IQSEC3: variants seen among roughly 807,000 people sequenced by gnomAD.
The protein encoded by IQSEC3 is IQ motif and SEC7 domain-containing protein 3.
IQSEC3 carries 50 observed loss-of-function variants against 105.4 expected under a neutral mutation model. The ratio of observed to expected loss-of-function variants is 0.47; its 90% CI spans 0.38 to 0.60. The LOEUF (loss-of-function observed/expected upper bound fraction) is 0.60. Ranked by LOEUF, IQSEC3 falls within the 20% of genes least tolerant of loss-of-function variation. The probability of loss-of-function intolerance (pLI) is 0.00; values close to 1 mark genes in which losing one functional copy is unlikely to be tolerated. For missense variants in IQSEC3, 1,415 were observed against 1,630.0 expected, an observed-to-expected ratio of 0.87 and a Z score of 2.27; for synonymous variants, 708 against 746.0, an observed-to-expected ratio of 0.95 and a Z score of 0.83.
At chr12:136,100 T>C (rs1565422886) in intron 3 of IQSEC3, among the ~76,000 whole-genome samples, 2 of 152,258 alleles carry the variant, frequency 1.3e-5, no homozygotes, top group African/African-American at 4.8e-5. Context: ...GGGAGCTTCC[T>C]CCTGCTCAGG....
At chr12:151,415 T>C (rs1433252527) in intron 5 of IQSEC3, among the ~76,000 whole-genome samples, 4 of 152,176 alleles carry the variant, frequency 2.6e-5, no homozygotes, top group African/African-American at 9.7e-5. Flanking sequence ...TCCCATCTGT[T>C]CTTCCTCTAA....
chr12:92,578 C>T (rs1006047973), intron 1 of IQSEC3, among the ~76,000 whole-genome samples: 1 of 152,210 alleles, frequency 6.6e-6, no homozygotes, highest in Non-Finnish European at 1.5e-5. Flanking sequence ...ACGGGGACCT[C>T]TCTCCTTTCT....
chr12:138,584 A>G lies in IQSEC3; in HGVS notation c.1221A>G (p.Gln407=). ...ELEDSFTEQV[Q]SLAKSIDDAL... is the part of the protein sequence containing the mutation. ...AGGACTCCTTCACCGAGCAGGTGCA[A>G]TCCCTGGCCAAGTCCATCGACGACG... The change falls in exon 4 of 14, where the codon CAA becomes CAG. Residue 407 remains glutamine, a synonymous_variant. Transcript: ENST00000538872. This position sits in a 1 kb window ranked among gnomAD's most constrained non-coding sequence, Gnocchi z 7.1. 1 of 1,589,116 alleles carries G rather than the reference A, an allele frequency of 6.3e-7. No homozygotes were observed. The highest frequency in any genetic ancestry group is 8.5e-7 in the Non-Finnish European group (1 of 1,175,192).
At chr12:168,958 C>T (rs1555099360) in intron 11 of IQSEC3, 55 bp from the exon 12 acceptor site, 5 of 1,463,660 alleles carry the variant, frequency 3.4e-6, no homozygotes, top group Non-Finnish European at 4.8e-6. Context: ...CCTGCCTCGC[C>T]TCTGTGTGGT....
At chr12:72,549 ACT>A (rs1476460173) in intron 1 of IQSEC3, among the ~76,000 whole-genome samples, 4 of 131,504 alleles carry the variant, frequency 3.0e-5, no homozygotes, top group African/African-American at 1.0e-4. Flanking sequence ...CCCTGGGGAC[ACT>A]CTCACTGCAC....
intron 3 of IQSEC3, among the ~76,000 whole-genome samples, chr12:132,027 G>A (rs901661797): frequency 3.9e-5 from 6 of 152,144 alleles, no homozygotes; most frequent in African/African-American, 1.4e-4. Flanking sequence ...GGAAGGATGG[G>A]TTGGAGAAAT....
chr12:147,632 C>CA (rs1392078339), intron 5 of IQSEC3: 3 of 152,204 alleles, frequency 2.0e-5, no homozygotes, highest in African/African-American at 7.2e-5. Context: ...ACCCCTTAGA[C>CA]AATCAGCTGG....
At chr12:97,128 A>G (rs1864263206) in intron 1 of IQSEC3, among the ~76,000 whole-genome samples, 1 of 152,226 alleles carries the variant, frequency 6.6e-6, no homozygotes, top group African/African-American at 2.4e-5. Flanking sequence ...CACAGATGTG[A>G]AGCGTATTTG....
In IQSEC3 at chr12:127,770, G is replaced by T. The variant is rs553309335; in HGVS notation, c.903+1858G>T. ...TTGTTTGAGTTCATTGTAGATTCTGGATATTAGCCCTTTGTCAGATGAGTA... is the reference window on the plus strand; with the variant it reads ...TTGTTTGAGTTCATTGTAGATTCTGTATATTAGCCCTTTGTCAGATGAGTA... On this transcript the variant is annotated intron_variant, in intron 3 of 13. Transcript: ENST00000538872. Among the ~76,000 whole-genome samples the T allele has an allele frequency of 3.6e-3, 544 of 152,206 alleles. 4 individuals are homozygous for T. Among genetic ancestry groups the T allele is most frequent in the African/African-American group, 0.013 (519 of 41,512 alleles).
In IQSEC3 at chr12:176,857, C is replaced by A. The variant is rs568862842; in HGVS notation, c.*1824C>A. The A allele has an allele frequency of 6.6e-6, 1 of 152,164 alleles. No individual in the cohort carries two copies. Among genetic ancestry groups the A allele is most frequent in the Non-Finnish European group, 1.5e-5 (1 of 68,042 alleles). 9.4% of individuals were successfully genotyped at this position (152,164 alleles called of 1,614,324 possible). On this transcript the variant is annotated 3_prime_UTR_variant, in exon 14 of 14. Transcript: ENST00000538872. This position sits in a 1 kb window ranked among gnomAD's most constrained non-coding sequence, Gnocchi z 4.0. Reference sequence around the variant, plus strand: ...TGGAGCAGATGACAGATGGGGTGCACGCATTCAGACACCTCTGATGCCCTT... The same window carrying A: ...TGGAGCAGATGACAGATGGGGTGCAAGCATTCAGACACCTCTGATGCCCTT...
chr12:69,163 C>T (rs1472654576), intron 1 of IQSEC3, among the ~76,000 whole-genome samples: 1 of 152,260 alleles, frequency 6.6e-6, no homozygotes, highest in Non-Finnish European at 1.5e-5. Flanking sequence ...TATGATTTCT[C>T]TCCTCATGAC....
At position 139,104 on chromosome 12, in the gene IQSEC3, G is replaced by T; in HGVS notation, c.1741G>T (p.Ala581Ser). ...TEEEEEEEET[A>S]EVGRGAEAEA... ...GGAGGAAGAGGAGGAGGAGGAGACG[G>T]CGGAGGTGGGGAGAGGGGCCGAGGC... Residue 581 changes from alanine to serine, a missense_variant, in exon 4 of 14, where the codon GCG becomes TCG. Around this residue, in one of 6 missense-constraint regions of IQSEC3, gnomAD observed 720 missense variants for 633.0 expected, o/e 1.14. Transcript: ENST00000538872. The T allele has an allele frequency of 6.6e-7, 1 of 1,503,972 alleles. No individual in the cohort carries two copies. Among genetic ancestry groups the T allele is most frequent in the Non-Finnish European group, 8.9e-7 (1 of 1,125,236 alleles). 93.2% of individuals were successfully genotyped at this position (1,503,972 alleles called of 1,614,324 possible). A position where few individuals can be genotyped will look rare whatever the true frequency, so the allele number is the denominator to read the frequency against.
chr12:169,968 G>A lies in IQSEC3; in HGVS notation c.3064+863G>A, dbSNP rs80071998. Among the ~76,000 whole-genome samples the A allele has an allele frequency of 5.5e-3, 840 of 152,338 alleles. 7 individuals carry two copies. The highest frequency in any genetic ancestry group is 0.019 in the African/African-American group (773 of 41,586). On this transcript the variant is annotated intron_variant, in intron 12 of 13. Transcript: ENST00000538872. ...TCATAGTGAGACGCCAGCTTGAGCT[G>A]AGAAGCTCCAGTGGGCCCCGTGTGG... is the stretch of plus-strand genomic sequence containing the variant.
At chr12:155,905 C>T (rs1220288607) in intron 5 of IQSEC3, among the ~76,000 whole-genome samples, 1 of 152,056 alleles carries the variant, frequency 6.6e-6, no homozygotes, top group Non-Finnish European at 1.5e-5. Flanking sequence ...GCTCCAAGAG[C>T]CCAATCTAAC....
At chr12:95,068 T>G (rs1490290544) in intron 1 of IQSEC3, among the ~76,000 whole-genome samples, 4 of 152,168 alleles carry the variant, frequency 2.6e-5, no homozygotes, top group Non-Finnish European at 2.9e-5. Flanking sequence ...TTTTCCCCTT[T>G]TCTTCAGGCC....
chr12:116,656 G>A (rs1555080682), intron 2 of IQSEC3, among the ~76,000 whole-genome samples: 1 of 152,270 alleles, frequency 6.6e-6, no homozygotes, highest in East Asian at 1.9e-4. Flanking sequence ...TTGCCAGCAT[G>A]GAGCTGTGGG....
rs1866717113 is a variant in IQSEC3 at position 157,136 on chromosome 12, T to G, written c.2265T>G (p.Ile755Met). 6.3e-7 allele frequency: 1 copy of G among 1,588,422 alleles called. No individual in the cohort carries two copies. The highest frequency in any genetic ancestry group is 8.6e-7 in the Non-Finnish European group (1 of 1,167,288). ...QGEAQKVERL[I>M]EAFSQRYCMC... Reference sequence around the variant, plus strand: ...AGGCTCAGAAGGTGGAGCGGCTCATTGAGGCCTTCAGGTAAGGCCGCTTCC... The same window carrying G: ...AGGCTCAGAAGGTGGAGCGGCTCATGGAGGCCTTCAGGTAAGGCCGCTTCC... Residue 755 changes from isoleucine to methionine, a missense_variant, in exon 6 of 14, where the codon ATT (isoleucine) becomes ATG (methionine). Physicochemically the swap from Ile to Met is conservative, Grantham distance 10. Coordinates refer to ENST00000538872, the MANE Select transcript of IQSEC3 (RefSeq NM_001170738.2).
At position 134,668 on chromosome 12, in the gene IQSEC3, C is replaced by T. The variant is rs138302782; in HGVS notation, c.904-3599C>T. Among the ~76,000 whole-genome samples, 276 of 151,126 alleles carry T rather than the reference C, an allele frequency of 1.8e-3. 1 individual carries two copies. Among genetic ancestry groups the T allele is most frequent in the African/African-American group, 6.5e-3 (266 of 41,114 alleles). On this transcript the variant is annotated intron_variant, in intron 3 of 13. Transcript: ENST00000538872. The stretch of plus-strand genomic sequence containing the variant: ...CAGCACTTTGGGAGGCCAAGGTGGG[C>T]GGATCACCGAGGTGCCAGGAGTTCA...
intron 11 of IQSEC3, chr12:167,587 A>G (rs560253270): frequency 1.3e-4 from 20 of 152,104 alleles, no homozygotes; most frequent in African/African-American, 4.6e-4. Flanking sequence ...AAAAAAAAAA[A>G]AAAGAAAATG....
Sources: gnomAD v4.1 joint callset for allele counts (sites outside exome capture counted in the v4.1 genomes callset) on GRCh38, gnomAD v4.1.1 for gene constraint, gnomAD v4.1.1 regional missense constraint, Gnocchi (gnomAD v3.1) non-coding constraint, MANE v1.5 for transcripts, NCBI Gene and HGNC (gene_info 2026-07-23, HGNC 2026-07-21) for gene names.